GYS2: variants seen among roughly 807,000 people sequenced by gnomAD.
GYS2 encodes glycogen synthase 2, also known as glycogen [starch] synthase, liver.
Under a neutral mutation model 85.6 loss-of-function variants are expected in GYS2, and 80 were observed. That is an observed-to-expected ratio of 0.93 (90% CI 0.78 to 1.13). The LOEUF (loss-of-function observed/expected upper bound fraction) is 1.13, where lower values mean the gene tolerates loss of function less well. GYS2 is among the 50% of genes most tolerant of loss of function. The pLI is 0.00. For synonymous variants in GYS2, 328 were observed against 300.7 expected, an observed-to-expected ratio of 1.09 and a Z score of -0.94; for missense variants, 881 against 854.9, an observed-to-expected ratio of 1.03 and a Z score of -0.38.
chr12:21,569,801 G>A (rs759618618), intron 4 of GYS2, among the ~76,000 whole-genome samples: 2 of 152,200 alleles, frequency 1.3e-5, no homozygotes, highest in Non-Finnish European at 2.9e-5. Context: ...TTCAGCACTA[G>A]TGTCAGGCAC....
Position 21,583,657 on chromosome 12 carries a change from C to T in GYS2, c.122-3134G>A, listed in dbSNP as rs140092995. 9.6e-3 allele frequency among the ~76,000 whole-genome samples: 1,469 copies of T among 152,324 alleles called. 12 individuals carry two copies. Among genetic ancestry groups the T allele is most frequent in the Middle Eastern group, 0.024 (7 of 294 alleles). ...TGGAGCAAGGCCCTGCCATCTTCTGCAGATAACTACTCTCTTTTAGGGAGA... is the reference window on the plus strand; with the variant it reads ...TGGAGCAAGGCCCTGCCATCTTCTGTAGATAACTACTCTCTTTTAGGGAGA... On this transcript the variant is annotated intron_variant, in intron 1 of 15. Coordinates refer to ENST00000261195, the MANE Select transcript of GYS2 (RefSeq NM_021957.4).
At chr12:21,546,862 G>T (rs1176890181) in intron 11 of GYS2, among the ~76,000 whole-genome samples, 2 of 152,196 alleles carry the variant, frequency 1.3e-5, no homozygotes, top group Non-Finnish European at 2.9e-5. Flanking sequence ...GGGAAGAGGG[G>T]GCTGTGTAAC....
chr12:21,549,656 G>A (rs946569890), intron 11 of GYS2, among the ~76,000 whole-genome samples: 2 of 152,088 alleles, frequency 1.3e-5, no homozygotes, highest in Non-Finnish European at 1.5e-5. Flanking sequence ...TTATTTTGAT[G>A]TATGTCCCTC....
At chr12:21,539,602 A>C (rs905500986) in intron 14 of GYS2, among the ~76,000 whole-genome samples, 1 of 152,228 alleles carries the variant, frequency 6.6e-6, no homozygotes, top group Non-Finnish European at 1.5e-5. Flanking sequence ...TTGAGCATTA[A>C]GGTGACTGAA....
intron 1 of GYS2, among the ~76,000 whole-genome samples, chr12:21,581,532 A>G (rs1426325811): frequency 6.6e-6 from 1 of 152,220 alleles, no homozygotes; most frequent in Non-Finnish European, 1.5e-5. Flanking sequence ...CCAAGCTCCC[A>G]GCCGAATAAA....
intron 12 of GYS2, 54 bp from the exon 13 acceptor site, chr12:21,542,645 T>A: frequency 8.5e-7 from 1 of 1,176,520 alleles, no homozygotes; most frequent in Non-Finnish European, 1.3e-6. Context: ...TATATCCTTG[T>A]ATGCACTCAG....
At chr12:21,539,437 A>G in intron 14 of GYS2, 99 bp from the exon 15 acceptor site, 1 of 765,456 alleles carries the variant, frequency 1.3e-6, no homozygotes, top group East Asian at 2.4e-5. Context: ...TCTGAAACAT[A>G]TGTATTTTTT....
intron 2 of GYS2, among the ~76,000 whole-genome samples, chr12:21,579,386 T>C (rs1389711370): frequency 6.8e-6 from 1 of 146,912 alleles, no homozygotes; most frequent in Non-Finnish European, 1.5e-5. Context: ...GAAGTTTCAC[T>C]TTTGTTGCCC....
chr12:21,537,972 G>A (rs549787588), intron 15 of GYS2, among the ~76,000 whole-genome samples: 24 of 152,118 alleles, frequency 1.6e-4, no homozygotes, highest in Non-Finnish European at 3.1e-4. Flanking sequence ...TACATGTACA[G>A]TCATTTTAAG....
rs184412652 is a variant in GYS2, at chr12:21,558,629, T to C, written c.1309-316A>G. On this transcript the variant is annotated intron_variant, in intron 10 of 15. Coordinates refer to ENST00000261195, the MANE Select transcript of GYS2 (RefSeq NM_021957.4). ...TGAAGTCTTGACTTAAGATGAACTTTACTGATTTCTTTTAGCAAGGCTGTC... is the reference window on the plus strand; with the variant it reads ...TGAAGTCTTGACTTAAGATGAACTTCACTGATTTCTTTTAGCAAGGCTGTC... Among the ~76,000 whole-genome samples the C allele has an allele frequency of 1.1e-4, 16 of 152,326 alleles. No individual in the cohort carries two copies. The East Asian group carries it at 3.1e-3, about 29-fold the overall frequency.
chr12:21,551,990 C>G (rs1325561881), intron 11 of GYS2, among the ~76,000 whole-genome samples: 1 of 152,106 alleles, frequency 6.6e-6, no homozygotes, highest in Non-Finnish European at 1.5e-5. Flanking sequence ...AACAGAATGA[C>G]AGCATAACTA....
chr12:21,576,305 A>G lies in GYS2; in HGVS notation c.304-248T>C, dbSNP rs183528696. On this transcript the variant is annotated intron_variant, in intron 2 of 15. Coordinates refer to ENST00000261195, the MANE Select transcript of GYS2 (RefSeq NM_021957.4). ...AATTTAAAAACAATGTATCTAAATC[A>G]TGTAATCTCTGTTCATCTGTCTCTA... Among the ~76,000 whole-genome samples the G allele has an allele frequency of 3.2e-3, 493 of 152,294 alleles. 1 individual carries two copies. The highest frequency in any genetic ancestry group is 4.4e-3 in the Non-Finnish European group (298 of 68,020).
At position 21,598,127 on chromosome 12, in the gene GYS2, T is replaced by C. The variant is rs1944716551; in HGVS notation, c.121+6345A>G. Reference sequence around the variant, plus strand: ...GTTAGATAGAAGGAATATGTTCTGATGTTCAATAGCAAAGTAGGGTGATTA... The same window carrying C: ...GTTAGATAGAAGGAATATGTTCTGACGTTCAATAGCAAAGTAGGGTGATTA... On this transcript the variant is annotated intron_variant, in intron 1 of 15. Coordinates refer to ENST00000261195, the MANE Select transcript of GYS2 (RefSeq NM_021957.4). 2.0e-5 allele frequency among the ~76,000 whole-genome samples: 3 copies of C among 152,188 alleles called. No individual in the cohort carries two copies. In the South Asian group the frequency reaches 6.2e-4, roughly 32 times the overall value.
At chr12:21,594,976 A>T (rs542406569) in intron 1 of GYS2, among the ~76,000 whole-genome samples, 1 of 152,340 alleles carries the variant, frequency 6.6e-6, no homozygotes, top group East Asian at 1.9e-4. Flanking sequence ...AACAAAGGTG[A>T]CAAGAATATA....
chr12:21,587,035 G>A (rs914745588), intron 1 of GYS2, among the ~76,000 whole-genome samples: 5 of 152,112 alleles, frequency 3.3e-5, no homozygotes, highest in Non-Finnish European at 5.9e-5. Flanking sequence ...TAGAAACATG[G>A]TTAGAACTGG....
chr12:21,545,837 T>G (rs1444124143), intron 12 of GYS2, among the ~76,000 whole-genome samples: 1 of 152,222 alleles, frequency 6.6e-6, no homozygotes, highest in African/African-American at 2.4e-5. Context: ...AAGAAGACTT[T>G]TCACTGTACA....
intron 1 of GYS2, among the ~76,000 whole-genome samples, chr12:21,583,508 A>G (rs1944535371): frequency 6.6e-6 from 1 of 152,192 alleles, no homozygotes; most frequent in African/African-American, 2.4e-5. Flanking sequence ...CTGCTGTGCA[A>G]GCTGCTATGC....
At chr12:21,552,980 G>C (rs1944131905) in intron 11 of GYS2, among the ~76,000 whole-genome samples, 1 of 152,160 alleles carries the variant, frequency 6.6e-6, no homozygotes, top group Admixed American at 6.5e-5. Flanking sequence ...GTCAGATTCT[G>C]GGCTAAGAAC....
intron 1 of GYS2, among the ~76,000 whole-genome samples, chr12:21,591,013 A>G (rs1944632546): frequency 6.6e-6 from 1 of 152,208 alleles, no homozygotes; most frequent in South Asian, 2.1e-4. Context: ...AATTTACAAA[A>G]CTGGAAGCAG....
Sources: allele counts gnomAD v4.1 joint callset (sites outside exome capture counted in the v4.1 genomes callset), GRCh38; gene constraint gnomAD v4.1.1; transcripts MANE v1.5; gene names NCBI Gene and HGNC (gene_info 2026-07-23, HGNC 2026-07-21).